Variants in TRHDE observed in about 807,000 individuals in gnomAD.
TRHDE encodes thyrotropin-releasing hormone-degrading ectoenzyme.
TRHDE carries 72 observed loss-of-function variants against 125.7 expected under a neutral mutation model. The observed-to-expected ratio is 0.57, with a 90% confidence interval of 0.47 to 0.70. TRHDE has a LOEUF of 0.70. TRHDE is among the 30% of genes least tolerant of loss of function. The probability of loss-of-function intolerance (pLI) is 0.00; values close to 1 mark genes in which losing one functional copy is unlikely to be tolerated. For synonymous variants in TRHDE, 509 were observed against 509.1 expected (o/e 1.00, Z 0.00); for missense variants, 1,110 against 1,327.1 (o/e 0.84, Z 2.54).
intron 15 of TRHDE, among the ~76,000 whole-genome samples, chr12:72,635,877 C>A (rs979117676): frequency 6.6e-6 from 1 of 152,148 alleles, no homozygotes; most frequent in Non-Finnish European, 1.5e-5. Context: ...TGTTTTGGTA[C>A]CAGTACCATG....
At chr12:72,236,936 C>A (rs1565669454) in intron 2 of TRHDE, among the ~76,000 whole-genome samples, 1 of 152,182 alleles carries the variant, frequency 6.6e-6, no homozygotes, top group Middle Eastern at 3.4e-3. Flanking sequence ...GCTGTCAAAG[C>A]TTATATGGGT....
chr12:72,337,910 G>T (rs1869901959), intron 2 of TRHDE, among the ~76,000 whole-genome samples: 1 of 151,942 alleles, frequency 6.6e-6, no homozygotes, highest in Non-Finnish European at 1.5e-5. Flanking sequence ...GTTACACGTA[G>T]TACTAGCAAC....
chr12:72,425,027 A>T (rs1874125133), intron 3 of TRHDE, among the ~76,000 whole-genome samples: 2 of 152,166 alleles, frequency 1.3e-5, no homozygotes, highest in South Asian at 4.1e-4. Flanking sequence ...TACTATAAAA[A>T]CTTTACTCCT....
intron 2 of TRHDE, among the ~76,000 whole-genome samples, chr12:72,353,385 A>G (rs1192541303): frequency 6.6e-6 from 1 of 151,744 alleles, no homozygotes; most frequent in East Asian, 1.9e-4. Context: ...AAAGTGGTTG[A>G]AGGATATTAA....
chr12:72,577,700 T>C (rs867487964), intron 12 of TRHDE, among the ~76,000 whole-genome samples: 3 of 152,290 alleles, frequency 2.0e-5, no homozygotes, highest in Middle Eastern at 3.4e-3. Flanking sequence ...TTAGATGAAA[T>C]ATTTTATTTA....
chr12:72,415,622 A>G lies in TRHDE; in HGVS notation c.1315+37501A>G, dbSNP rs533744007. On this transcript the variant is annotated intron_variant, in intron 3 of 18. Transcript: ENST00000261180. Reference sequence around the variant, plus strand: ...ATTTTTTTTTTTTTGGCTCCCACATATGAGTGAGAACATGCACTATTTGTC... The same window carrying G: ...ATTTTTTTTTTTTTGGCTCCCACATGTGAGTGAGAACATGCACTATTTGTC... Among the ~76,000 whole-genome samples the G allele has an allele frequency of 8.0e-5, 12 of 150,294 alleles. No individual in the cohort carries two copies. The South Asian group carries it at 1.7e-3, about 21-fold the overall frequency.
At chr12:72,419,174 G>A (rs1431652000) in intron 3 of TRHDE, among the ~76,000 whole-genome samples, 2 of 152,080 alleles carry the variant, frequency 1.3e-5, no homozygotes, top group Non-Finnish European at 2.9e-5. Flanking sequence ...GGATCTAGAG[G>A]AACAGAAAAT....
chr12:72,171,253 A>G (rs1206327923), intron 2 of TRHDE, among the ~76,000 whole-genome samples: 1 of 117,262 alleles, frequency 8.5e-6, no homozygotes, highest in Non-Finnish European at 1.6e-5. Flanking sequence ...AATGTCCAAG[A>G]AAAAAAAAAT....
At chr12:72,385,939 A>G (rs913592375) in intron 3 of TRHDE, among the ~76,000 whole-genome samples, 1 of 152,196 alleles carries the variant, frequency 6.6e-6, no homozygotes, top group African/African-American at 2.4e-5. Context: ...AATGCAATAC[A>G]AACCAACATA....
intron 15 of TRHDE, among the ~76,000 whole-genome samples, chr12:72,625,541 T>G (rs1029263972): frequency 2.6e-5 from 4 of 151,924 alleles, no homozygotes; most frequent in Non-Finnish European, 5.9e-5. Flanking sequence ...TACATGAGCT[T>G]CACTACTTAT....
At chr12:72,385,705 G>A (rs1196535783) in intron 3 of TRHDE, among the ~76,000 whole-genome samples, 2 of 151,798 alleles carry the variant, frequency 1.3e-5, no homozygotes, top group African/African-American at 4.8e-5. Context: ...CTATAATATG[G>A]CCATTTAACT....
intron 3 of TRHDE, among the ~76,000 whole-genome samples, chr12:72,453,038 A>G (rs1231646791): frequency 2.0e-5 from 3 of 152,230 alleles, no homozygotes; most frequent in Non-Finnish European, 1.5e-5. Flanking sequence ...TGCTATAGAG[A>G]TACAGACAAA....
intron 2 of TRHDE, among the ~76,000 whole-genome samples, chr12:72,357,519 T>C (rs529546546): frequency 2.0e-5 from 3 of 151,672 alleles, no homozygotes; most frequent in East Asian, 3.9e-4. Flanking sequence ...GATCCATCCA[T>C]GTTGTGACAA....
intron 2 of TRHDE, among the ~76,000 whole-genome samples, chr12:72,329,591 A>G (rs539331485): frequency 6.6e-6 from 1 of 152,358 alleles, no homozygotes; most frequent in African/African-American, 2.4e-5. Context: ...GAGGACATTT[A>G]TAGCTCATTC....
chr12:72,493,746 G>A (rs1057100918), intron 5 of TRHDE, among the ~76,000 whole-genome samples: 2 of 151,852 alleles, frequency 1.3e-5, no homozygotes, highest in South Asian at 2.1e-4. Context: ...TCCCCCAAAC[G>A]AACCACACTA....
intron 2 of TRHDE, among the ~76,000 whole-genome samples, chr12:72,116,841 A>G (rs1771834145): frequency 6.6e-6 from 1 of 152,068 alleles, no homozygotes; most frequent in Admixed American, 6.6e-5. Context: ...GTTTACCTAG[A>G]TCCCATTTAT....
intron 2 of TRHDE, among the ~76,000 whole-genome samples, chr12:72,178,888 C>T (rs576963336): frequency 6.6e-6 from 1 of 151,960 alleles, no homozygotes; most frequent in African/African-American, 2.4e-5. Context: ...TTAAAATAAA[C>T]AAAAGAAATA....
intron 5 of TRHDE, among the ~76,000 whole-genome samples, chr12:72,495,374 G>C (rs1171359734): frequency 6.6e-6 from 1 of 151,870 alleles, no homozygotes; most frequent in Non-Finnish European, 1.5e-5. Context: ...TATTTATTAA[G>C]ACCAAGCTTC....
intron 2 of TRHDE, among the ~76,000 whole-genome samples, chr12:72,135,523 A>G (rs1875964245): frequency 6.6e-6 from 1 of 151,060 alleles, no homozygotes; most frequent in African/African-American, 2.4e-5. Flanking sequence ...ACCTGCTTTC[A>G]TGGTTTTTCT....
Sources: allele counts gnomAD v4.1 joint callset (sites outside exome capture counted in the v4.1 genomes callset), GRCh38; gene constraint gnomAD v4.1.1; transcripts MANE v1.5; gene names NCBI Gene and HGNC (gene_info 2026-07-23, HGNC 2026-07-21).